The following MARK1 variants were observed in gnomAD, a reference collection of about 807,000 sequenced individuals.
MARK1 encodes serine/threonine-protein kinase MARK1.
Under a neutral mutation model 96.3 loss-of-function variants are expected in MARK1, and 40 were observed. The ratio of observed to expected loss-of-function variants is 0.42; its 90% CI spans 0.32 to 0.54. The LOEUF (loss-of-function observed/expected upper bound fraction) is 0.54, where lower values mean the gene tolerates loss of function less well. Among genes scored for constraint, MARK1 ranks in the 20% least tolerant of loss-of-function variants. The pLI, the probability that MARK1 is intolerant of heterozygous loss-of-function variation, is 0.16. For missense variants in MARK1, 719 were observed against 984.6 expected (o/e 0.73, Z 3.61); for synonymous variants, 317 against 341.2 (o/e 0.93, Z 0.78).
chr1:220,649,239 TGGGGGACAGGA>T (rs1668741779), intron 13 of MARK1, among the ~76,000 whole-genome samples: 1 of 150,044 alleles, frequency 6.7e-6, no homozygotes, highest in African/African-American at 2.5e-5. Flanking sequence ...TTTTTTTTTT[TGGGGGACAGGA>T]TTTCACTCTG....
intron 13 of MARK1, among the ~76,000 whole-genome samples, chr1:220,645,707 C>T (rs574337748): frequency 4.6e-5 from 7 of 152,214 alleles, no homozygotes; most frequent in South Asian, 2.1e-4. Flanking sequence ...TTATCCACTG[C>T]GATCAAGTTG....
chr1:220,601,788 T>TA (rs1665765868), intron 5 of MARK1, among the ~76,000 whole-genome samples: 1 of 151,988 alleles, frequency 6.6e-6, no homozygotes, highest in Admixed American at 6.6e-5. Flanking sequence ...TGAAGGGGAG[T>TA]AATGGCTAGA....
intron 1 of MARK1, among the ~76,000 whole-genome samples, chr1:220,529,167 G>A (rs1244940438): frequency 6.6e-6 from 1 of 152,212 alleles, no homozygotes; most frequent in African/African-American, 2.4e-5. Context: ...AGAATGGGAT[G>A]GCAGAGTGGG....
At chr1:220,661,218 A>G (rs1669463152) in intron 17 of MARK1, among the ~76,000 whole-genome samples, 1 of 152,116 alleles carries the variant, frequency 6.6e-6, no homozygotes, top group Non-Finnish European at 1.5e-5. Flanking sequence ...TAGGAGTTGG[A>G]ATGGAAGTCA....
At chr1:220,585,984 T>TACACACACACAC (rs1553322886) in intron 3 of MARK1, among the ~76,000 whole-genome samples, 180 of 52,892 alleles carry the variant, frequency 3.4e-3, no homozygotes, top group South Asian at 0.017. Context: ...TACATACGTA[T>TACACACACACAC]ACACACACAC....
chr1:220,555,561 A>G (rs1662189914), intron 1 of MARK1, among the ~76,000 whole-genome samples: 1 of 152,128 alleles, frequency 6.6e-6, no homozygotes, highest in Non-Finnish European at 1.5e-5. Flanking sequence ...ACTTGATTTG[A>G]GGAGTTAGGG....
intron 13 of MARK1, among the ~76,000 whole-genome samples, chr1:220,638,278 A>T (rs900195617): frequency 8.5e-5 from 13 of 152,184 alleles, no homozygotes; most frequent in African/African-American, 2.4e-4. Flanking sequence ...TTCCATGAAC[A>T]TACTCAGCTT....
intron 13 of MARK1, among the ~76,000 whole-genome samples, chr1:220,641,649 C>T (rs1225292038): frequency 2.3e-5 from 3 of 129,642 alleles, no homozygotes; most frequent in African/African-American, 8.8e-5. Context: ...AGAAACAATG[C>T]CTGTCTGCAT....
At chr1:220,534,230 A>T (rs1416856951) in intron 1 of MARK1, among the ~76,000 whole-genome samples, 11 of 152,064 alleles carry the variant, frequency 7.2e-5, no homozygotes, top group Admixed American at 7.2e-4. Flanking sequence ...AATTTGATAC[A>T]TTCATATAAT....
At chr1:220,537,933 T>G (rs1242163098) in intron 1 of MARK1, among the ~76,000 whole-genome samples, 7 of 152,102 alleles carry the variant, frequency 4.6e-5, no homozygotes, top group Admixed American at 4.6e-4. Flanking sequence ...TTGATGGGGT[T>G]GTTTGTTTTT....
At position 220,618,447 on chromosome 1, in the gene MARK1, A is replaced by C. The variant is rs764315061; in HGVS notation, c.690A>C (p.Gly230=). The change falls in exon 8 of 18, where the codon GGA becomes GGC. Residue 230 remains glycine, a synonymous_variant. Coordinates refer to ENST00000366917, the MANE Select transcript of MARK1 (RefSeq NM_018650.5). This position sits in a 1 kb window ranked among gnomAD's most constrained non-coding sequence, Gnocchi z 4.6. ...ATGCTGCTCCCGAGCTTTTCCAAGG[A>C]AAGAAGTATGATGGGCCTGAAGTGG... is the stretch of plus-strand genomic sequence containing the variant. ...PPYAAPELFQ[G]KKYDGPEVDV... 6.2e-7 allele frequency: 1 copy of C among 1,614,078 alleles called. No individual in the cohort carries two copies.
At chr1:220,636,217 A>G (rs1051186046) in intron 13 of MARK1, among the ~76,000 whole-genome samples, 191 bp downstream of exon 13, 4 of 152,202 alleles carry the variant, frequency 2.6e-5, no homozygotes, top group Non-Finnish European at 4.4e-5. Flanking sequence ...TCTTTTTTGC[A>G]TGCGTTAACA....
intron 1 of MARK1, among the ~76,000 whole-genome samples, chr1:220,548,842 T>C (rs1420599079): frequency 1.3e-5 from 2 of 151,394 alleles, no homozygotes; most frequent in African/African-American, 4.8e-5. Context: ...AACGTTTTTG[T>C]TCTTGTGAGA....
intron 1 of MARK1, among the ~76,000 whole-genome samples, chr1:220,577,713 C>T (rs1663964234): frequency 6.6e-6 from 1 of 152,162 alleles, no homozygotes; most frequent in African/African-American, 2.4e-5. Context: ...ATCTGGCAGC[C>T]TGTAATGTGC....
chr1:220,577,671 A>G (rs1009645029), intron 1 of MARK1, among the ~76,000 whole-genome samples: 5 of 152,198 alleles, frequency 3.3e-5, no homozygotes, highest in African/African-American at 1.2e-4. Context: ...TAACACTGTG[A>G]AAACTATTGC....
intron 3 of MARK1, among the ~76,000 whole-genome samples, chr1:220,585,209 C>A (rs1474859007): frequency 6.6e-6 from 1 of 152,116 alleles, no homozygotes; most frequent in Non-Finnish European, 1.5e-5. Flanking sequence ...TTTCACTCTC[C>A]ATGAAATTAG....
intron 1 of MARK1, among the ~76,000 whole-genome samples, chr1:220,577,534 A>G (rs1318783209): frequency 1.3e-5 from 2 of 152,314 alleles, no homozygotes; most frequent in East Asian, 3.9e-4. Context: ...TCACCTGGAA[A>G]ACTTGTTGAA....
At chr1:220,572,936 T>A (rs1319048671) in intron 1 of MARK1, among the ~76,000 whole-genome samples, 1 of 152,254 alleles carries the variant, frequency 6.6e-6, no homozygotes, top group Non-Finnish European at 1.5e-5. Context: ...GACTTGCATT[T>A]GATTTTTCTA....
intron 1 of MARK1, among the ~76,000 whole-genome samples, chr1:220,578,912 G>A (rs1263262512): frequency 6.6e-6 from 1 of 152,062 alleles, no homozygotes; most frequent in Non-Finnish European, 1.5e-5. Flanking sequence ...ACATGATCTT[G>A]GCTCACTGCA....
Sources: gnomAD v4.1 joint callset for allele counts (sites outside exome capture counted in the v4.1 genomes callset) on GRCh38, gnomAD v4.1.1 for gene constraint, Gnocchi (gnomAD v3.1) non-coding constraint, MANE v1.5 for transcripts, NCBI Gene and HGNC (gene_info 2026-07-23, HGNC 2026-07-21) for gene names.